Variants in MYH7B observed in about 807,000 individuals in gnomAD.
MYH7B encodes the protein myosin-7B.
Under a neutral mutation model 234.5 loss-of-function variants are expected in MYH7B, and 205 were observed. The observed-to-expected ratio is 0.87, with a 90% CI of 0.78 to 0.98. The LOEUF (loss-of-function observed/expected upper bound fraction) is 0.98. Among genes scored for constraint, MYH7B ranks in the 50% least tolerant of loss-of-function variants. MYH7B has a pLI of 0.00. For missense variants in MYH7B, 2,652 were observed against 2,633.4 expected, an observed-to-expected ratio of 1.01 and a Z score of -0.15; for synonymous variants, 1,193 against 1,105.0, an observed-to-expected ratio of 1.08 and a Z score of -1.58.
chr20:34,996,647 G>A (rs768531311), exon 30 of MYH7B: 48 of 1,612,992 alleles, frequency 3.0e-5, no homozygotes, highest in Non-Finnish European at 3.6e-5. Context: ...AAGAAGCTGC[G>A]CATGGACACG....
intron 4 of MYH7B, 58 bp downstream of exon 4, chr20:34,977,738 G>GGGGCCCCCC: frequency 3.2e-6 from 1 of 317,154 alleles, no homozygotes; most frequent in Non-Finnish European, 5.9e-6. Context: ...GGGCGGGTGG[G>GGGGCCCCCC]TGAGGGTGCC....
At chr20:34,964,449 G>A (rs2081724884) in intron 2 of MYH7B, among the ~76,000 whole-genome samples, 1 of 152,204 alleles carries the variant, frequency 6.6e-6, no homozygotes, top group Admixed American at 6.5e-5. Context: ...TAGGGACACC[G>A]TGGAGCTAGA....
chr20:34,983,837 G>A (rs1198636775), intron 10 of MYH7B, among the ~76,000 whole-genome samples: 2 of 152,220 alleles, frequency 1.3e-5, no homozygotes, highest in Non-Finnish European at 2.9e-5. Context: ...CACAAAGTCC[G>A]TGGTGGTATA....
chr20:34,970,525 T>G (rs557040188), intron 2 of MYH7B, among the ~76,000 whole-genome samples: 6 of 152,086 alleles, frequency 3.9e-5, no homozygotes, highest in African/African-American at 1.4e-4. Flanking sequence ...ACTCATCCCC[T>G]GCCTCCCGGG....
intron 2 of MYH7B, among the ~76,000 whole-genome samples, chr20:34,965,295 G>A (rs1351581510): frequency 6.6e-6 from 1 of 152,266 alleles, no homozygotes; most frequent in Non-Finnish European, 1.5e-5. Flanking sequence ...GCATCATGCT[G>A]TGTGGTTAAC....
exon 39 of MYH7B, chr20:35,000,350 G>A (rs368711124): frequency 4.4e-6 from 7 of 1,598,150 alleles, no homozygotes; most frequent in Non-Finnish European, 5.9e-6. Flanking sequence ...CAGAGACACG[G>A]GCCCGCAATG....
At chr20:34,999,291 G>A (rs547047087) in exon 36 of MYH7B, 8 of 1,590,070 alleles carry the variant, frequency 5.0e-6, no homozygotes, top group Middle Eastern at 1.7e-4. Flanking sequence ...GGAGCTGGAG[G>A]CGGCACAGAG....
rs895444391 is a variant in MYH7B, at chr20:34,993,417, G to GCGGAGCC, written c.2392_2398dup (p.Arg800ProfsTer10). On this transcript the variant is annotated frameshift_variant, in exon 26 of 45. Transcript: ENST00000262873. LOFTEE classifies it high-confidence loss of function. ...CCAAGGTGCTGACGCTGCTGCAGGCGCGGAGCCGTGGCCGCCTCATGCGCC... is the reference window on the plus strand; with the variant it reads ...CCAAGGTGCTGACGCTGCTGCAGGCGCGGAGCCCGGAGCCGTGGCCGCCTCATGCGCC... 1 of 1,611,884 alleles carries GCGGAGCC rather than the reference G, an allele frequency of 6.2e-7. No homozygotes were observed. The highest frequency in any genetic ancestry group is 8.5e-7 in the Non-Finnish European group (1 of 1,179,632).
At chr20:34,965,670 C>T (rs1453726434) in intron 2 of MYH7B, among the ~76,000 whole-genome samples, 1 of 152,166 alleles carries the variant, frequency 6.6e-6, no homozygotes, top group Non-Finnish European at 1.5e-5. Context: ...AAGAGAGAAC[C>T]TTTATAGAAA....
chr20:34,958,173 C>T (rs901618389), exon 2 of MYH7B, among the ~76,000 whole-genome samples: 2 of 152,172 alleles, frequency 1.3e-5, no homozygotes, highest in African/African-American at 4.8e-5. Context: ...GATCCCAGAC[C>T]TTAACAGCCC....
intron 2 of MYH7B, among the ~76,000 whole-genome samples, chr20:34,974,976 C>T (rs367567607): frequency 6.6e-5 from 10 of 151,926 alleles, no homozygotes; most frequent in Non-Finnish European, 1.3e-4. Flanking sequence ...CTCACAGAGA[C>T]AATGCGGAGA....
At chr20:34,994,444 A>C (rs1418796045) in intron 27 of MYH7B, 43 bp downstream of exon 27, 29 of 1,529,854 alleles carry the variant, frequency 1.9e-5, no homozygotes, top group Middle Eastern at 2.3e-4. Flanking sequence ...CCCAGCCCCG[A>C]GTACCCCTGG....
chr20:34,979,725 A>G (rs561558848), exon 7 of MYH7B: 2 of 1,614,140 alleles, frequency 1.2e-6, no homozygotes, highest in South Asian at 2.2e-5. Context: ...TTACTGGAGG[A>G]CATGGCCATG....
chr20:34,979,660 G>T lies in MYH7B; in HGVS notation c.199-1G>T. 2 of 1,614,176 alleles carry T rather than the reference G, an allele frequency of 1.2e-6. No individual in the cohort carries two copies. Among genetic ancestry groups the T allele is most frequent in the South Asian group, 1.1e-5 (1 of 91,090 alleles). ...GGCCCCTGACACGATCTCCCTGGTA[G>T]GTGCTGATGGTGCGTGAAGCCGAGC... On this transcript the variant is annotated splice_acceptor_variant, in intron 6 of 44. Coordinates refer to ENST00000262873, the Ensembl canonical transcript of MYH7B. LOFTEE classifies it high-confidence loss of function.
intron 2 of MYH7B, among the ~76,000 whole-genome samples, chr20:34,963,375 T>C (rs1487451606): frequency 6.6e-6 from 1 of 152,252 alleles, no homozygotes; most frequent in Non-Finnish European, 1.5e-5. Flanking sequence ...TATTGGTAGT[T>C]TGTATATCTT....
At chr20:34,996,213 G>A in intron 28 of MYH7B, 133 bp from the exon 29 acceptor site, 2 of 1,053,300 alleles carry the variant, frequency 1.9e-6, no homozygotes, top group Non-Finnish European at 2.7e-6. Flanking sequence ...GGCAGAAGCG[G>A]TGGAGGCTCG....
At chr20:34,986,225 G>T (rs766444948) in intron 14 of MYH7B, 27 bp downstream of exon 14, 1 of 1,549,784 alleles carries the variant, frequency 6.5e-7, no homozygotes, top group Non-Finnish European at 8.8e-7. Context: ...TGAAGGGGGT[G>T]GGAGTCAGAA....
chr20:34,960,246 G>GA (rs1285855696), intron 2 of MYH7B, among the ~76,000 whole-genome samples: 3 of 151,730 alleles, frequency 2.0e-5, no homozygotes. Flanking sequence ...TTTTGTTTTT[G>GA]TTTTTTTGAG....
At chr20:34,980,400 T>C in intron 7 of MYH7B, 178 bp from the exon 8 acceptor site, 1 of 604,952 alleles carries the variant, frequency 1.7e-6, no homozygotes, top group Non-Finnish European at 2.9e-6. Context: ...AATACAAAAA[T>C]TAGCCGGTCG....
Sources: allele counts gnomAD v4.1 joint callset (sites outside exome capture counted in the v4.1 genomes callset), GRCh38; gene constraint gnomAD v4.1.1; transcripts MANE v1.5; gene names NCBI Gene and HGNC (gene_info 2026-07-23, HGNC 2026-07-21).